Variants in ACO1 observed in about 807,000 individuals in gnomAD.
ACO1 encodes cytoplasmic aconitate hydratase.
In ACO1, 78 loss-of-function variants were observed where a neutral mutation model predicts 105.1. The observed-to-expected ratio is 0.74, with a 90% CI of 0.62 to 0.90. The LOEUF is 0.90. Ranked by LOEUF, ACO1 falls within the 40% of genes least tolerant of loss-of-function variation. ACO1 has a pLI of 0.00. For missense variants in ACO1, 965 were observed against 1,111.1 expected, an observed-to-expected ratio of 0.87 and a Z score of 1.87; for synonymous variants, 364 against 397.4, an observed-to-expected ratio of 0.92 and a Z score of 1.00.
Position 32,403,426 on chromosome 9 carries a change from G to A in ACO1, c.-22-2059G>A, listed in dbSNP as rs114452597. On this transcript the variant is annotated intron_variant, in intron 1 of 20. Coordinates refer to ENST00000309951, the MANE Select transcript of ACO1 (RefSeq NM_002197.3). ...AGTTATCTAGCTTCCAAGGAAAAAG[G>A]GAGGCAAATGGTAGTGCACTTTAAA... Among the ~76,000 whole-genome samples, 1,359 of 152,178 alleles carry A rather than the reference G, an allele frequency of 8.9e-3. 20 individuals are homozygous for A. The highest frequency in any genetic ancestry group is 0.031 in the African/African-American group (1,279 of 41,504).
intron 15 of ACO1, among the ~76,000 whole-genome samples, chr9:32,432,582 G>A (rs1338902896): frequency 6.6e-6 from 1 of 152,152 alleles, no homozygotes; most frequent in Non-Finnish European, 1.5e-5. Context: ...TAATGGACCT[G>A]TGGACAGAAT....
At chr9:32,390,558 T>A (rs1821246770) in intron 1 of ACO1, among the ~76,000 whole-genome samples, 1 of 152,228 alleles carries the variant, frequency 6.6e-6, no homozygotes, top group Non-Finnish European at 1.5e-5. Flanking sequence ...TAGCAATGCG[T>A]AATACAAAGA....
Position 32,436,374 on chromosome 9 carries a change from A to G in ACO1, c.2224A>G (p.Ile742Val). The G allele has an allele frequency of 6.2e-7, 1 of 1,614,114 alleles. No individual in the cohort carries two copies. The highest frequency in any genetic ancestry group is 8.5e-7 in the Non-Finnish European group (1 of 1,179,988). Reference protein sequence around the residue: ...RFLNKQAPQTIHLPSGEILDV... With the variant: ...RFLNKQAPQTVHLPSGEILDV... ...TTTGAACAAGCAGGCACCACAGACTATCCATCTGCCTTCTGGGGAAATCGT... is the reference window on the plus strand; with the variant it reads ...TTTGAACAAGCAGGCACCACAGACTGTCCATCTGCCTTCTGGGGAAATCGT... Residue 742 changes from isoleucine to valine, a missense_variant, in exon 18 of 21, where the codon ATC (isoleucine) becomes GTC (valine). Ile to Val is a conservative substitution (Grantham distance 29). Coordinates refer to ENST00000309951, the MANE Select transcript of ACO1 (RefSeq NM_002197.3).
At chr9:32,395,063 T>C (rs1228704671) in intron 1 of ACO1, among the ~76,000 whole-genome samples, 1 of 152,202 alleles carries the variant, frequency 6.6e-6, no homozygotes, top group African/African-American at 2.4e-5. Flanking sequence ...GCGAAATGAG[T>C]TCAGGAGCCT....
chr9:32,417,027 T>TA (rs1449872533), intron 4 of ACO1, among the ~76,000 whole-genome samples: 2 of 152,204 alleles, frequency 1.3e-5, no homozygotes, highest in Non-Finnish European at 2.9e-5. Flanking sequence ...CGCTGTTAAC[T>TA]ATGACGGGAA....
rs1822793881 is a variant in ACO1, at chr9:32,452,689, C to T, written c.*2578C>T. On this transcript the variant is annotated 3_prime_UTR_variant, in exon 21 of 21. Transcript: ENST00000309951. ...TTTCGGTAAAAATATCTTCGCCAGG[C>T]ACGGTGTCTCATGCCTATGATCCCA... The T allele has an allele frequency of 6.6e-6, 1 of 152,006 alleles. No individual in the cohort carries two copies. The highest frequency in any genetic ancestry group is 2.4e-5 in the African/African-American group (1 of 41,358). The allele number at this position is 152,006 out of a possible 1,614,324, so 9.4% of individuals were successfully genotyped here.
At chr9:32,399,036 A>C (rs1368651353) in intron 1 of ACO1, among the ~76,000 whole-genome samples, 1 of 152,214 alleles carries the variant, frequency 6.6e-6, no homozygotes, top group Non-Finnish European at 1.5e-5. Context: ...TTTCCTTGCT[A>C]TAATTCACTA....
intron 4 of ACO1, among the ~76,000 whole-genome samples, chr9:32,414,227 G>A (rs959752829): frequency 3.3e-5 from 5 of 152,180 alleles, no homozygotes; most frequent in South Asian, 2.1e-4. Flanking sequence ...AATACTGTCC[G>A]TGAATTTCTG....
chr9:32,431,898 C>T lies in ACO1; in HGVS notation c.1851+55C>T, dbSNP rs1286092121. On this transcript the variant is annotated intron_variant, in intron 15 of 20. Coordinates refer to ENST00000309951, the MANE Select transcript of ACO1 (RefSeq NM_002197.3). ...AGAGGATCTAAGGGAAAGCTGCTCC[C>T]TTTGTGTCCTGTCTGCAGACCTCAA... is the stretch of plus-strand genomic sequence containing the variant. 2.5e-6 allele frequency: 4 copies of T among 1,602,042 alleles called. 1 individual carries two copies. The highest frequency in any genetic ancestry group is 1.7e-6 in the Non-Finnish European group (2 of 1,173,940).
rs1452410864 is a variant in ACO1 at position 32,418,009 on chromosome 9, C to G, written c.405-119C>G. 8 of 811,164 alleles carry G rather than the reference C, an allele frequency of 9.9e-6. No homozygotes were observed. In the Admixed American group the frequency reaches 1.9e-4, roughly 20 times the overall value. The allele number at this position is 811,164 out of a possible 1,614,324, so 50.2% of individuals were successfully genotyped here. A position where few individuals can be genotyped will look rare whatever the true frequency, so the allele number is the denominator to read the frequency against. ...ATTGTAAATAGTCATGAATGAAATT[C>G]ATATTATCACTCAGCAAGCAAGGAG... On this transcript the variant is annotated intron_variant, in intron 4 of 20. Transcript: ENST00000309951.
chr9:32,403,051 G>C (rs950387430), intron 1 of ACO1, among the ~76,000 whole-genome samples: 1 of 152,276 alleles, frequency 6.6e-6, no homozygotes, highest in East Asian at 1.9e-4. Context: ...CTTGTGAGAG[G>C]ATTTCCCATG....
chr9:32,387,082 A>G (rs1821170674), intron 1 of ACO1, among the ~76,000 whole-genome samples: 1 of 152,196 alleles, frequency 6.6e-6, no homozygotes, highest in Non-Finnish European at 1.5e-5. Context: ...GTGTATCACC[A>G]CGTGCCTGGC....
chr9:32,446,235 G>T (rs1822603755), intron 19 of ACO1, among the ~76,000 whole-genome samples: 1 of 152,180 alleles, frequency 6.6e-6, no homozygotes, highest in Non-Finnish European at 1.5e-5. Flanking sequence ...TATTGTGTGG[G>T]AGTCTAAGTC....
intron 19 of ACO1, among the ~76,000 whole-genome samples, chr9:32,447,326 C>T (rs1822637784): frequency 6.6e-6 from 1 of 152,140 alleles, no homozygotes; most frequent in Non-Finnish European, 1.5e-5. Context: ...GATCTTCAAT[C>T]TCTGATATCT....
At chr9:32,421,514 G>A (rs1397241483) in intron 8 of ACO1, among the ~76,000 whole-genome samples, 1 of 152,132 alleles carries the variant, frequency 6.6e-6, no homozygotes, top group East Asian at 1.9e-4. Context: ...GCCCCATACA[G>A]GAACAGCACT....
chr9:32,399,227 T>C (rs894837857), intron 1 of ACO1, among the ~76,000 whole-genome samples: 4 of 152,198 alleles, frequency 2.6e-5, no homozygotes, highest in African/African-American at 9.6e-5. Flanking sequence ...TTAAGTCCCC[T>C]TGGAGATGAA....
At position 32,453,990 on chromosome 9, in the gene ACO1, TAATG is replaced by T. The variant is rs1030168435; in HGVS notation, c.*3882_*3885del. ...AAATTCGTAGTTTTATTTTACGGCA[TAATG>T]AAACAGAGTTCCAGACATGTACCTG... On this transcript the variant is annotated 3_prime_UTR_variant, in exon 21 of 21. Coordinates refer to ENST00000309951, the MANE Select transcript of ACO1 (RefSeq NM_002197.3). 6.6e-6 allele frequency: 1 copy of T among 152,234 alleles called. No homozygotes were observed. Among genetic ancestry groups the T allele is most frequent in the Non-Finnish European group, 1.5e-5 (1 of 68,030 alleles). The allele number at this position is 152,234 out of a possible 1,614,324, so 9.4% of individuals were successfully genotyped here. A position where few individuals can be genotyped will look rare whatever the true frequency, so the allele number is the denominator to read the frequency against.
chr9:32,449,413 T>C (rs1019106508), intron 20 of ACO1, among the ~76,000 whole-genome samples: 19 of 152,084 alleles, frequency 1.2e-4, no homozygotes, highest in African/African-American at 4.6e-4. Context: ...TATAAAAACG[T>C]GAGCAACAGA....
chr9:32,416,133 C>T (rs2026740), intron 4 of ACO1, among the ~76,000 whole-genome samples: 28,259 of 144,576 alleles, frequency 0.2, 3,064 homozygotes, highest in Middle Eastern at 0.33. Context: ...CTTGCTTTGT[C>T]GCCCAAGTTG....
Sources: allele counts gnomAD v4.1 joint callset (sites outside exome capture counted in the v4.1 genomes callset), GRCh38; gene constraint gnomAD v4.1.1; transcripts MANE v1.5; gene names NCBI Gene and HGNC (gene_info 2026-07-23, HGNC 2026-07-21).